The following SHISA6 variants were observed in gnomAD, a reference collection of about 807,000 sequenced individuals.
SHISA6 encodes protein shisa-6.
A neutral mutation model predicts 47.9 loss-of-function variants in SHISA6; 22 were observed. The observed-to-expected ratio is 0.46, with a 90% CI of 0.33 to 0.66. The LOEUF is 0.66. Ranked by LOEUF, SHISA6 falls within the 30% of genes least tolerant of loss-of-function variation. The pLI is 0.02. For missense variants in SHISA6, 680 were observed against 764.6 expected (o/e 0.89, Z 1.30); for synonymous variants, 388 against 337.8 (o/e 1.15, Z -1.63).
chr17:11,262,813 C>T (rs959109845), intron 1 of SHISA6, among the ~76,000 whole-genome samples: 3 of 152,206 alleles, frequency 2.0e-5, no homozygotes, highest in Admixed American at 1.3e-4. Flanking sequence ...GCACCATCCA[C>T]GTGTTTTGAT....
chr17:11,431,117 G>A (rs142940627), intron 3 of SHISA6, among the ~76,000 whole-genome samples: 4 of 152,256 alleles, frequency 2.6e-5, no homozygotes, highest in East Asian at 3.9e-4. Context: ...ATCTTCTTCC[G>A]TCGGAAAGAC....
chr17:11,447,144 G>A (rs1053575644), intron 3 of SHISA6, among the ~76,000 whole-genome samples: 10 of 152,184 alleles, frequency 6.6e-5, no homozygotes, highest in African/African-American at 2.4e-4. Flanking sequence ...TTAAAGCCAT[G>A]GGTGTGTTTA....
intron 3 of SHISA6, among the ~76,000 whole-genome samples, chr17:11,527,705 G>A (rs373147973): frequency 6.6e-5 from 10 of 152,030 alleles, no homozygotes; most frequent in South Asian, 2.1e-4. Flanking sequence ...CACTTCACTC[G>A]TATATGTATC....
At chr17:11,544,702 T>C (rs1435477806) in intron 3 of SHISA6, among the ~76,000 whole-genome samples, 5 of 152,152 alleles carry the variant, frequency 3.3e-5, no homozygotes, top group South Asian at 4.1e-4. Flanking sequence ...GGCTCACACC[T>C]GTAATCCCAG....
intron 2 of SHISA6, among the ~76,000 whole-genome samples, chr17:11,350,472 G>A (rs749845293): frequency 5.9e-5 from 9 of 152,038 alleles, no homozygotes; most frequent in South Asian, 2.1e-4. Context: ...GGGCCACCGT[G>A]CCCAGCCGAG....
At chr17:11,409,976 G>A (rs1317005508) in intron 3 of SHISA6, among the ~76,000 whole-genome samples, 2 of 152,150 alleles carry the variant, frequency 1.3e-5, no homozygotes, top group Non-Finnish European at 2.9e-5. Flanking sequence ...ATATGGAGAT[G>A]AAAAGAAAAT....
chr17:11,254,031 T>C (rs933411362), intron 1 of SHISA6, among the ~76,000 whole-genome samples: 2 of 152,154 alleles, frequency 1.3e-5, no homozygotes, highest in Non-Finnish European at 2.9e-5. Flanking sequence ...ACACCTACTG[T>C]AGGAAGTGGT....
At chr17:11,535,106 C>T (rs1046967959) in intron 3 of SHISA6, among the ~76,000 whole-genome samples, 5 of 152,036 alleles carry the variant, frequency 3.3e-5, no homozygotes, top group African/African-American at 1.2e-4. Flanking sequence ...TGCACTCCAG[C>T]CTGGCAACAA....
chr17:11,449,262 T>C (rs1249459462), intron 3 of SHISA6, among the ~76,000 whole-genome samples: 1 of 151,832 alleles, frequency 6.6e-6, no homozygotes, highest in African/African-American at 2.4e-5. Flanking sequence ...GGCAACACGG[T>C]GAAACCTCGT....
intron 3 of SHISA6, among the ~76,000 whole-genome samples, chr17:11,532,376 C>T (rs2969193): frequency 0.45 from 68,913 of 152,076 alleles, 15,672 homozygotes; most frequent in East Asian, 0.57. Flanking sequence ...AGCTCTGAGA[C>T]GTTGGTGCCT....
chr17:11,389,716 C>G (rs1355028805), intron 3 of SHISA6, among the ~76,000 whole-genome samples: 1 of 152,178 alleles, frequency 6.6e-6, no homozygotes. Flanking sequence ...TCTGAGCTTT[C>G]TCTTGCCATG....
chr17:11,277,110 GA>G (rs1908929364), intron 2 of SHISA6, among the ~76,000 whole-genome samples: 1 of 152,064 alleles, frequency 6.6e-6, no homozygotes, highest in Non-Finnish European at 1.5e-5. Flanking sequence ...TTACCCAAAG[GA>G]AAATTGGAAA....
At chr17:11,460,517 G>C (rs1187562566) in intron 3 of SHISA6, among the ~76,000 whole-genome samples, 1 of 152,170 alleles carries the variant, frequency 6.6e-6, no homozygotes, top group African/African-American at 2.4e-5. Context: ...TCAGCCTCCT[G>C]AGTAGCTGGG....
At chr17:11,462,608 GTTTT>G (rs910271964) in intron 3 of SHISA6, among the ~76,000 whole-genome samples, 2 of 151,752 alleles carry the variant, frequency 1.3e-5, no homozygotes, top group Non-Finnish European at 2.9e-5. Flanking sequence ...ACAGTGTGGG[GTTTT>G]TTTTGTTTGT....
chr17:11,376,941 A>C (rs1157291007), intron 2 of SHISA6, among the ~76,000 whole-genome samples: 2 of 152,298 alleles, frequency 1.3e-5, no homozygotes, highest in East Asian at 3.9e-4. Context: ...AACTTTGAGA[A>C]CCACAGTTCA....
At chr17:11,337,415 A>G (rs550672510) in intron 2 of SHISA6, among the ~76,000 whole-genome samples, 1 of 152,064 alleles carries the variant, frequency 6.6e-6, no homozygotes, top group African/African-American at 2.4e-5. Flanking sequence ...TCGGGCTTGC[A>G]CCTGCACGAG....
chr17:11,547,019 C>T (rs1873424254), intron 3 of SHISA6, among the ~76,000 whole-genome samples: 1 of 152,046 alleles, frequency 6.6e-6, no homozygotes, highest in Non-Finnish European at 1.5e-5. Context: ...GCGTCATGTG[C>T]TTTTTGTGCT....
chr17:11,411,378 T>C (rs528398385), intron 3 of SHISA6, among the ~76,000 whole-genome samples: 1 of 152,196 alleles, frequency 6.6e-6, no homozygotes, highest in Admixed American at 6.5e-5. Flanking sequence ...ATATTTATTT[T>C]ATTGTTTTCC....
At chr17:11,334,759 T>C (rs1425364138) in intron 2 of SHISA6, among the ~76,000 whole-genome samples, 3 of 152,114 alleles carry the variant, frequency 2.0e-5, no homozygotes, top group African/African-American at 7.2e-5. Flanking sequence ...TCTGAGAAGG[T>C]GTGGATGGAA....
Sources: gnomAD v4.1 joint callset for allele counts (sites outside exome capture counted in the v4.1 genomes callset) on GRCh38, gnomAD v4.1.1 for gene constraint, MANE v1.5 for transcripts, NCBI Gene and HGNC (gene_info 2026-07-23, HGNC 2026-07-21) for gene names.